Variants in ZNF207 observed in about 807,000 individuals in gnomAD.
ZNF207 encodes the protein zinc finger protein 207, also known as BUB3-interacting and GLEBS motif-containing protein ZNF207.
In ZNF207, 24 loss-of-function variants were observed where a neutral mutation model predicts 60.2. The ratio of observed to expected loss-of-function variants is 0.40; its 90% confidence interval spans 0.29 to 0.56. The LOEUF is 0.56. Among genes scored for constraint, ZNF207 ranks in the 20% least tolerant of loss-of-function variants. The pLI is 0.49. For synonymous variants in ZNF207, 236 were observed against 194.7 expected (o/e 1.21, Z -1.77); for missense variants, 452 against 636.6 (o/e 0.71, Z 3.12).
Position 32,370,644 on chromosome 17 carries a change from G to T in ZNF207, c.*885G>T, listed in dbSNP as rs532975354. 1.3e-5 allele frequency: 2 copies of T among 152,140 alleles called. No individual in the cohort carries two copies. Among genetic ancestry groups the T allele is most frequent in the Admixed American group, 6.5e-5 (1 of 15,278 alleles). 9.4% of individuals were successfully genotyped at this position (152,140 alleles called of 1,614,324 possible). A position where few individuals can be genotyped will look rare whatever the true frequency, so the allele number is the denominator to read the frequency against. ...CCTCTATGGTGTCAGTACACATCAC[G>T]TGTCATAGATACTTAAAATGTAAAT... On this transcript the variant is annotated 3_prime_UTR_variant, in exon 12 of 12. Coordinates refer to ENST00000394670, the MANE Select transcript of ZNF207 (RefSeq NM_001098507.2).
In ZNF207 at chr17:32,376,412, A is replaced by G. The variant is rs746656711; in HGVS notation, c.*6653A>G. The G allele has an allele frequency of 6.6e-5, 10 of 152,024 alleles. No homozygotes were observed. The highest frequency in any genetic ancestry group is 1.5e-4 in the Non-Finnish European group (10 of 67,912). The allele number at this position is 152,024 out of a possible 1,614,324, so 9.4% of individuals were successfully genotyped here. On this transcript the variant is annotated 3_prime_UTR_variant, in exon 12 of 12. Coordinates refer to ENST00000394670, the MANE Select transcript of ZNF207 (RefSeq NM_001098507.2). ...TCTTGGCTCTATACATTTTTGCATA[A>G]TATTTTAGTCTTGAAAAGCTTTTCA...
rs1267178515 is a variant in ZNF207 at position 32,381,600 on chromosome 17, A to T, written c.*11841A>T. 6.6e-6 allele frequency: 1 copy of T among 152,230 alleles called. No individual in the cohort carries two copies. Among genetic ancestry groups the T allele is most frequent in the African/African-American group, 2.4e-5 (1 of 41,456 alleles). 9.4% of individuals were successfully genotyped at this position (152,230 alleles called of 1,614,324 possible). A position where few individuals can be genotyped will look rare whatever the true frequency, so the allele number is the denominator to read the frequency against. Reference sequence around the variant, plus strand: ...GATGTTCCTTAACATGTAGCCATGTAATTAGAACTCACAAGGGGCATTGAA... The same window carrying T: ...GATGTTCCTTAACATGTAGCCATGTTATTAGAACTCACAAGGGGCATTGAA... On this transcript the variant is annotated 3_prime_UTR_variant, in exon 12 of 12. Transcript: ENST00000394670.
At chr17:32,363,010 A>G in intron 7 of ZNF207, 26 bp downstream of exon 7, 1 of 1,600,322 alleles carries the variant, frequency 6.2e-7, no homozygotes, top group Non-Finnish European at 8.6e-7. Context: ...TTTCATTTTA[A>G]TATGATGTAC....
intron 9 of ZNF207, among the ~76,000 whole-genome samples, chr17:32,367,111 A>G (rs1597789036): frequency 6.6e-6 from 1 of 151,466 alleles, no homozygotes; most frequent in Non-Finnish European, 1.5e-5. Context: ...CCTAGTCTAC[A>G]TGTTTTAGAT....
At chr17:32,350,470 TG>T in intron 1 of ZNF207, 144 bp downstream of exon 1, 1 of 1,056,304 alleles carries the variant, frequency 9.5e-7, no homozygotes, top group South Asian at 1.3e-5. Context: ...GGATTGGACT[TG>T]GGAAGGCTTC....
chr17:32,365,030 A>G (rs536844408), intron 7 of ZNF207, among the ~76,000 whole-genome samples: 53 of 152,354 alleles, frequency 3.5e-4, no homozygotes, highest in African/African-American at 1.2e-3. Flanking sequence ...AGCTGATTGA[A>G]ATAATTCTTT....
intron 1 of ZNF207, 122 bp from the exon 2 acceptor site, chr17:32,351,664 C>G: frequency 4.4e-6 from 7 of 1,588,044 alleles, no homozygotes; most frequent in Non-Finnish European, 6.0e-6. Context: ...ATATAAAAAG[C>G]AGAGTTTCTA....
intron 8 of ZNF207, 136 bp downstream of exon 8, chr17:32,365,623 A>C (rs1905125450): frequency 2.0e-5 from 16 of 790,110 alleles, no homozygotes; most frequent in Non-Finnish European, 2.5e-5. Flanking sequence ...AATATACTAA[A>C]AGGTGGCTTA....
chr17:32,368,189 A>G (rs2150802846), intron 10 of ZNF207, 175 bp downstream of exon 10: 1 of 920,060 alleles, frequency 1.1e-6, no homozygotes, highest in Non-Finnish European at 1.6e-6. Flanking sequence ...TAAAGTGGAC[A>G]GATATTGCAT....
At position 32,372,191 on chromosome 17, in the gene ZNF207, T is replaced by G. The variant is rs1379133297; in HGVS notation, c.*2432T>G. ...TGCGGATGCCTGTAGTCCCAACTAC[T>G]CTGGAGACCGAGGCAGGAGAATGGC... is the stretch of plus-strand genomic sequence containing the variant. On this transcript the variant is annotated 3_prime_UTR_variant, in exon 12 of 12. Transcript: ENST00000394670. The G allele has an allele frequency of 6.6e-6, 1 of 152,282 alleles. No homozygotes were observed. The highest frequency in any genetic ancestry group is 2.4e-5 in the African/African-American group (1 of 41,426). The allele number at this position is 152,282 out of a possible 1,614,324, so 9.4% of individuals were successfully genotyped here.
rs1050821417 is a variant in ZNF207 at position 32,381,323 on chromosome 17, A to G, written c.*11564A>G. 6.6e-6 allele frequency: 1 copy of G among 152,262 alleles called. No homozygotes were observed. The highest frequency in any genetic ancestry group is 2.4e-5 in the African/African-American group (1 of 41,468). 9.4% of individuals were successfully genotyped at this position (152,262 alleles called of 1,614,324 possible). ...TGATAAATGTTAGTCCATGTGTATT[A>G]TTAAATGGTCTAAAGAAAAATCATG... is the stretch of plus-strand genomic sequence containing the variant. On this transcript the variant is annotated 3_prime_UTR_variant, in exon 12 of 12. Transcript: ENST00000394670.
At position 32,361,489 on chromosome 17, in the gene ZNF207, C is replaced by T; in HGVS notation, c.573C>T (p.Tyr191=). Residue 191 remains tyrosine (Y), a synonymous_variant, in exon 6 of 12, where the codon TAC becomes TAT. Coordinates refer to ENST00000394670, the MANE Select transcript of ZNF207 (RefSeq NM_001098507.2). ...ACAGATTGCATCATCAGAGAAAATA[C>T]ACCCAGTCATTTTGCGGTGAAAACA... ...MPPGLHHQRK[Y]TQSFCGENIM... The T allele has an allele frequency of 2.5e-6, 4 of 1,608,322 alleles. No homozygotes were observed. Among genetic ancestry groups the T allele is most frequent in the Non-Finnish European group, 3.4e-6 (4 of 1,177,216 alleles).
At position 32,374,510 on chromosome 17, in the gene ZNF207, C is replaced by CT. The variant is rs1905607762; in HGVS notation, c.*4753dup. Reference sequence around the variant, plus strand: ...GGGATTACAGGCGTGGGCCACCGCGCTTGGCCAAAATCTGCATTCTTAATC... The same window carrying CT: ...GGGATTACAGGCGTGGGCCACCGCGCTTTGGCCAAAATCTGCATTCTTAATC... On this transcript the variant is annotated 3_prime_UTR_variant, in exon 12 of 12. Transcript: ENST00000394670. 1 of 152,230 alleles carries CT rather than the reference C, an allele frequency of 6.6e-6. No individual in the cohort carries two copies. The highest frequency in any genetic ancestry group is 2.4e-5 in the African/African-American group (1 of 41,448). 9.4% of individuals were successfully genotyped at this position (152,230 alleles called of 1,614,324 possible).
rs970817622 is a variant in ZNF207, at chr17:32,379,689, T to C, written c.*9930T>C. The C allele has an allele frequency of 2.6e-5, 4 of 152,106 alleles. No homozygotes were observed. The highest frequency in any genetic ancestry group is 3.2e-3 in the Middle Eastern group (1 of 316). 9.4% of individuals were successfully genotyped at this position (152,106 alleles called of 1,614,324 possible). A position where few individuals can be genotyped will look rare whatever the true frequency, so the allele number is the denominator to read the frequency against. On this transcript the variant is annotated 3_prime_UTR_variant, in exon 12 of 12. Coordinates refer to ENST00000394670, the MANE Select transcript of ZNF207 (RefSeq NM_001098507.2). ...TACCAAAATTCTTCCTGCAGACTAG[T>C]TGCTTACAGGGTTTCTTTGAGAGGC...
Position 32,350,234 on chromosome 17 carries a change from G to C in ZNF207, c.-52G>C. 6.2e-7 allele frequency: 1 copy of C among 1,613,034 alleles called. No homozygotes were observed. ...GGGAAAGTGAGGGATTTTTGGCCTCGTTTCTCCTGCTTCTTTTCTCCTCCC... is the reference window on the plus strand; with the variant it reads ...GGGAAAGTGAGGGATTTTTGGCCTCCTTTCTCCTGCTTCTTTTCTCCTCCC... On this transcript the variant is annotated 5_prime_UTR_variant, in exon 1 of 12. Coordinates refer to ENST00000394670, the MANE Select transcript of ZNF207 (RefSeq NM_001098507.2).
chr17:32,369,656 C>T lies in ZNF207; in HGVS notation c.1382C>T (p.Pro461Leu), dbSNP rs760182750. The change falls in exon 12 of 12, where the codon CCG (proline) becomes CTG (leucine). Residue 461 changes from proline (P) to leucine (L), a missense_variant. Around this residue, in one of 2 missense-constraint regions of ZNF207, gnomAD observed 390 missense variants for 461.4 expected, o/e 0.85. Coordinates refer to ENST00000394670, the MANE Select transcript of ZNF207 (RefSeq NM_001098507.2). ...MPGYLPGAMP[P>L]YGQGPPMVPP... ...GGATACCTTCCTGGTGCTATGCCCC[C>T]GTATGGGCAGGGACCGCCAATGGTG... 6.9e-6 allele frequency: 11 copies of T among 1,594,402 alleles called. No homozygotes were observed. The highest frequency in any genetic ancestry group is 1.1e-5 in the South Asian group (1 of 87,916).
chr17:32,365,930 A>G (rs1905142716), intron 8 of ZNF207, among the ~76,000 whole-genome samples: 1 of 152,188 alleles, frequency 6.6e-6, no homozygotes, highest in Non-Finnish European at 1.5e-5. Flanking sequence ...ACTTGTGCTA[A>G]AATGGCGTAA....
chr17:32,364,441 TC>T, intron 7 of ZNF207, among the ~76,000 whole-genome samples: 1 of 148,516 alleles, frequency 6.7e-6, no homozygotes. Context: ...CACCACAACA[TC>T]CGCCTCCTGG....
rs1302035987 is a variant in ZNF207 at position 32,376,758 on chromosome 17, TTTTAA to T, written c.*7003_*7007del. 4.6e-5 allele frequency: 7 copies of T among 152,120 alleles called. No homozygotes were observed. Among genetic ancestry groups the T allele is most frequent in the African/African-American group, 1.7e-4 (7 of 41,456 alleles). 9.4% of individuals were successfully genotyped at this position (152,120 alleles called of 1,614,324 possible). On this transcript the variant is annotated 3_prime_UTR_variant, in exon 12 of 12. Coordinates refer to ENST00000394670, the MANE Select transcript of ZNF207 (RefSeq NM_001098507.2). ...CGTTATGAGAATGTTTATGTTTATGTTTTAATTTTTATCAAAATAACCTCAGAGGA... is the reference window on the plus strand; with the variant it reads ...CGTTATGAGAATGTTTATGTTTATGTTTTTTATCAAAATAACCTCAGAGGA...
Sources: allele counts gnomAD v4.1 joint callset (sites outside exome capture counted in the v4.1 genomes callset), GRCh38; gene constraint gnomAD v4.1.1; regional missense constraint gnomAD v4.1.1; transcripts MANE v1.5; gene names NCBI Gene and HGNC (gene_info 2026-07-23, HGNC 2026-07-21).